MAGI1: variants seen among roughly 807,000 people sequenced by gnomAD.
MAGI1 encodes membrane-associated guanylate kinase, WW and PDZ domain-containing protein 1.
A neutral mutation model predicts 139.9 loss-of-function variants in MAGI1; 58 were observed. That is an observed-to-expected ratio of 0.41 (90% CI 0.34 to 0.52). The LOEUF is 0.52. MAGI1 is among the 20% of genes least tolerant of loss of function. The probability of loss-of-function intolerance (pLI) is 0.12; values close to 1 mark genes in which losing one functional copy is unlikely to be tolerated. For synonymous variants in MAGI1, 812 were observed against 737.9 expected (o/e 1.10, Z -1.63); for missense variants, 1,874 against 1,901.6 (o/e 0.99, Z 0.27).
chr3:65,371,515 A>T (rs1237310182), intron 18 of MAGI1, among the ~76,000 whole-genome samples: 1 of 152,172 alleles, frequency 6.6e-6, no homozygotes, highest in Non-Finnish European at 1.5e-5. Flanking sequence ...CTGCTGACTG[A>T]TCAGGGTGGT....
At chr3:66,031,944 G>C (rs1293015640) in intron 1 of MAGI1, among the ~76,000 whole-genome samples, 1 of 152,172 alleles carries the variant, frequency 6.6e-6, no homozygotes, top group Non-Finnish European at 1.5e-5. Context: ...TTAAACTTCA[G>C]TTAGAGTCAA....
At chr3:66,030,544 C>T (rs2068533954) in intron 1 of MAGI1, among the ~76,000 whole-genome samples, 2 of 152,054 alleles carry the variant, frequency 1.3e-5, no homozygotes, top group South Asian at 4.1e-4. Context: ...TAAAATAAAG[C>T]TGAGAGGGGG....
chr3:65,839,885 T>C (rs2058747735), intron 1 of MAGI1, among the ~76,000 whole-genome samples: 1 of 152,256 alleles, frequency 6.6e-6, no homozygotes, highest in South Asian at 2.1e-4. Context: ...CGTTGAGTCT[T>C]CAATATATGC....
chr3:65,509,120 C>T (rs2077433579), intron 2 of MAGI1, among the ~76,000 whole-genome samples: 2 of 152,136 alleles, frequency 1.3e-5, no homozygotes, highest in Non-Finnish European at 2.9e-5. Flanking sequence ...CAGAGGGAAG[C>T]AAAGAGTCAA....
intron 1 of MAGI1, among the ~76,000 whole-genome samples, chr3:66,023,212 A>G (rs2068053973): frequency 6.6e-6 from 1 of 152,186 alleles, no homozygotes; most frequent in South Asian, 2.1e-4. Context: ...TAGACAGTCT[A>G]TTGGAATGTT....
Position 65,478,754 on chromosome 3 carries a change from C to T in MAGI1, c.595G>A (p.Gly199Arg), listed in dbSNP as rs559812737. Residue 199 changes from glycine to arginine, a missense_variant, in exon 4 of 23, where the codon GGG becomes AGG. By Grantham distance (125) the Gly-to-Arg change is moderately radical. Around this residue, in one of 5 missense-constraint regions of MAGI1, gnomAD observed 648 missense variants for 598.1 expected, o/e 1.08. Transcript: ENST00000402939. ...AAGGCATCCGTCGTGATCACTTTCCCACTGACTGGCTGGCTAGGAGGCTTG... is the reference window on the plus strand; with the variant it reads ...AAGGCATCCGTCGTGATCACTTTCCTACTGACTGGCTGGCTAGGAGGCTTG... ...TPKPPSQPVS[G>R]KVITTDALHS... The T allele has an allele frequency of 3.7e-6, 6 of 1,614,106 alleles. No homozygotes were observed. In the South Asian group the frequency reaches 6.6e-5, roughly 18 times the overall value.
At chr3:65,458,466 C>T (rs1949548594) in intron 5 of MAGI1, among the ~76,000 whole-genome samples, 1 of 151,926 alleles carries the variant, frequency 6.6e-6, no homozygotes, top group Admixed American at 6.6e-5. Flanking sequence ...CACATCCTCG[C>T]CAGCATTTGT....
chr3:65,929,937 A>T (rs2062716698), intron 1 of MAGI1, among the ~76,000 whole-genome samples: 1 of 152,178 alleles, frequency 6.6e-6, no homozygotes, highest in Non-Finnish European at 1.5e-5. Flanking sequence ...ACTTGAACCA[A>T]GTTGCAGTTT....
intron 8 of MAGI1, 95 bp from the exon 9 acceptor site, chr3:65,440,107 G>A (rs1690670575): frequency 7.2e-7 from 1 of 1,396,184 alleles, no homozygotes; most frequent in Admixed American, 1.8e-5. Flanking sequence ...ACTGAGCAGA[G>A]CAGGTGGTCT....
intron 1 of MAGI1, among the ~76,000 whole-genome samples, chr3:65,958,270 T>C (rs1430759279): frequency 6.6e-6 from 1 of 152,234 alleles, no homozygotes; most frequent in Non-Finnish European, 1.5e-5. Context: ...TAAGACATTC[T>C]AAATTTAGCT....
chr3:65,770,014 T>C (rs1217308808), intron 1 of MAGI1, among the ~76,000 whole-genome samples: 1 of 152,178 alleles, frequency 6.6e-6, no homozygotes, highest in Admixed American at 6.5e-5. Context: ...TTACGTGCCA[T>C]CTGGGAGGAT....
At chr3:65,724,482 T>C (rs368274807) in intron 1 of MAGI1, among the ~76,000 whole-genome samples, 7 of 152,326 alleles carry the variant, frequency 4.6e-5, no homozygotes, top group South Asian at 2.1e-4. Flanking sequence ...GATAAATCTA[T>C]ACTGCCCATT....
At chr3:65,849,148 C>T (rs1378957537) in intron 1 of MAGI1, among the ~76,000 whole-genome samples, 1 of 150,578 alleles carries the variant, frequency 6.6e-6, no homozygotes, top group East Asian at 2.0e-4. Flanking sequence ...CTCAGCCTCC[C>T]GAGTAGCTGG....
intron 1 of MAGI1, among the ~76,000 whole-genome samples, chr3:65,817,528 GA>G (rs1179096135): frequency 2.6e-5 from 4 of 152,116 alleles, no homozygotes; most frequent in Admixed American, 2.0e-4. Context: ...GCCTGGAGAG[GA>G]AAAGCTAAAA....
chr3:65,675,660 C>T (rs1176396101), intron 1 of MAGI1, among the ~76,000 whole-genome samples: 1 of 152,158 alleles, frequency 6.6e-6, no homozygotes, highest in East Asian at 1.9e-4. Context: ...TGGCTCATTA[C>T]AGTGTCACAG....
chr3:65,867,703 T>C (rs901798321), intron 1 of MAGI1, among the ~76,000 whole-genome samples: 2 of 152,060 alleles, frequency 1.3e-5, no homozygotes, highest in Admixed American at 6.6e-5. Flanking sequence ...CAGTGAGCCA[T>C]GATCTCACCA....
At chr3:65,558,763 G>A (rs1478646400) in intron 2 of MAGI1, among the ~76,000 whole-genome samples, 1 of 152,064 alleles carries the variant, frequency 6.6e-6, no homozygotes, top group Admixed American at 6.6e-5. Flanking sequence ...GGACGAGCCT[G>A]GCAATCTACA....
chr3:65,861,424 T>G (rs1052991610), intron 1 of MAGI1, among the ~76,000 whole-genome samples: 4 of 152,160 alleles, frequency 2.6e-5, no homozygotes, highest in Non-Finnish European at 5.9e-5. Context: ...GCAATCCCTG[T>G]TTTATATAGT....
chr3:65,651,770 T>C lies in MAGI1; in HGVS notation c.314-29682A>G, dbSNP rs1450665515. 2.6e-5 allele frequency among the ~76,000 whole-genome samples: 4 copies of C among 152,242 alleles called. No individual in the cohort carries two copies. The South Asian group carries it at 8.3e-4, about 32-fold the overall frequency. Reference sequence around the variant, plus strand: ...TTTTTTGCATATTTGAAAGCAACAATGTGCCCCATTCACCTCCAAAGTTAA... The same window carrying C: ...TTTTTTGCATATTTGAAAGCAACAACGTGCCCCATTCACCTCCAAAGTTAA... On this transcript the variant is annotated intron_variant, in intron 1 of 22. Coordinates refer to ENST00000402939, the MANE Select transcript of MAGI1 (RefSeq NM_001033057.2).
Sources: gnomAD v4.1 joint callset for allele counts (sites outside exome capture counted in the v4.1 genomes callset) on GRCh38, gnomAD v4.1.1 for gene constraint, gnomAD v4.1.1 regional missense constraint, MANE v1.5 for transcripts, NCBI Gene and HGNC (gene_info 2026-07-23, HGNC 2026-07-21) for gene names.